MGST1: variants seen among roughly 807,000 people sequenced by gnomAD.
MGST1 encodes the protein microsomal glutathione S-transferase 1.
Under a neutral mutation model 8.9 loss-of-function variants are expected in MGST1, and 5 were observed. The observed-to-expected ratio is 0.56, with a 90% CI of 0.29 to 1.19. The LOEUF is 1.19. MGST1 is among the 50% of genes most tolerant of loss of function. The probability of loss-of-function intolerance (pLI) is 0.08; values close to 1 mark genes in which losing one functional copy is unlikely to be tolerated. For synonymous variants in MGST1, 54 were observed against 67.8 expected (o/e 0.80, Z 1.00); for missense variants, 182 against 187.4 (o/e 0.97, Z 0.17).
chr12:16,552,960 A>C (rs1942047183), intron 4 of MGST1, among the ~76,000 whole-genome samples: 2 of 152,184 alleles, frequency 1.3e-5, no homozygotes, highest in South Asian at 4.1e-4. Context: ...CACTTATGAT[A>C]ATTGAAAATA....
chr12:16,355,674 T>A (rs1405615252), intron 2 of MGST1, among the ~76,000 whole-genome samples: 1 of 152,198 alleles, frequency 6.6e-6, no homozygotes, highest in Non-Finnish European at 1.5e-5. Context: ...AAAGAAAAGA[T>A]GAAGGGAATT....
chr12:16,436,954 A>C (rs1022216883), intron 1 of MGST1, among the ~76,000 whole-genome samples: 4 of 151,974 alleles, frequency 2.6e-5, no homozygotes, highest in Admixed American at 2.0e-4. Flanking sequence ...AACTGGAGAA[A>C]ATTGTGTAAT....
At chr12:16,514,038 G>T in intron 4 of MGST1, 2 of 407,652 alleles carry the variant, frequency 4.9e-6, no homozygotes, top group Admixed American at 3.2e-5. Flanking sequence ...CCACAGGAGT[G>T]GACCCTGGTC....
rs909976388 is a variant in MGST1, at chr12:16,410,097, C to G, written n.778+26493C>G. Among the ~76,000 whole-genome samples the G allele has an allele frequency of 6.6e-6, 1 of 152,126 alleles. No individual in the cohort carries two copies. The highest frequency in any genetic ancestry group is 2.4e-5 in the African/African-American group (1 of 41,426). ...GAGCTTTCTCTTTGCTGTTCATAAT[C>G]TGCAAGGGTCTGAGTAATGAAGTTT... On this transcript the variant is annotated intron_variant and non_coding_transcript_variant, in intron 1 of 1. Transcript: ENST00000359720. This position sits in a 1 kb window ranked among gnomAD's most constrained non-coding sequence, Gnocchi z 4.4.
intron 4 of MGST1, among the ~76,000 whole-genome samples, chr12:16,467,067 A>C (rs918932956): frequency 6.6e-6 from 1 of 152,174 alleles, no homozygotes; most frequent in Non-Finnish European, 1.5e-5. Context: ...TTTAAAAAAA[A>C]ATTTGGGTTG....
chr12:16,568,422 CTCCAA>C (rs1942693659), intron 4 of MGST1, among the ~76,000 whole-genome samples: 1 of 151,438 alleles, frequency 6.6e-6, no homozygotes, highest in Non-Finnish European at 1.5e-5. Context: ...TCTCCCCAAC[CTCCAA>C]TCCACTCATA....
chr12:16,449,463 C>T lies in MGST1; in HGVS notation n.482+65859C>T, dbSNP rs114451835. Among the ~76,000 whole-genome samples, 376 of 152,044 alleles carry T rather than the reference C, an allele frequency of 2.5e-3. 1 individual carries two copies. Among genetic ancestry groups the T allele is most frequent in the African/African-American group, 8.8e-3 (365 of 41,524 alleles). Reference sequence around the variant, plus strand: ...ACTTCAACATTTAAGACAGGACCCCCACTCAAACCATATCAGTTGTTAAGG... The same window carrying T: ...ACTTCAACATTTAAGACAGGACCCCTACTCAAACCATATCAGTTGTTAAGG... On this transcript the variant is annotated intron_variant and non_coding_transcript_variant, in intron 4 of 4. Coordinates refer to the MGST1 transcript ENST00000538857.
At chr12:16,379,757 G>A (rs1484769216), downstream of MGST1, among the ~76,000 whole-genome samples, 1 of 152,178 alleles carries the variant, frequency 6.6e-6, no homozygotes, top group East Asian at 1.9e-4. Flanking sequence ...GTAGAATTCG[G>A]CTGTGGATCC....
chr12:16,465,815 G>C (rs1941250561), intron 4 of MGST1, among the ~76,000 whole-genome samples: 1 of 152,100 alleles, frequency 6.6e-6, no homozygotes, highest in Admixed American at 6.5e-5. Flanking sequence ...TTCCATGAAA[G>C]TGGTCCCTGG....
chr12:16,489,565 C>T (rs1408824808), intron 4 of MGST1, among the ~76,000 whole-genome samples: 2 of 152,040 alleles, frequency 1.3e-5, no homozygotes, highest in Non-Finnish European at 2.9e-5. Flanking sequence ...AATTTTTTCT[C>T]CTTATTTCCA....
At chr12:16,483,778 C>T (rs1941380458) in intron 4 of MGST1, among the ~76,000 whole-genome samples, 1 of 152,136 alleles carries the variant, frequency 6.6e-6, no homozygotes, top group Non-Finnish European at 1.5e-5. Context: ...TTTTAATACA[C>T]TTCTTTCATA....
chr12:16,405,034 T>A (rs1940687731), intron 1 of MGST1, among the ~76,000 whole-genome samples: 1 of 152,106 alleles, frequency 6.6e-6, no homozygotes, highest in Non-Finnish European at 1.5e-5. Flanking sequence ...TAAGGCAGTG[T>A]TAAGAGGGAA....
chr12:16,488,594 A>G (rs1187821445), intron 4 of MGST1, among the ~76,000 whole-genome samples: 1 of 152,166 alleles, frequency 6.6e-6, no homozygotes, highest in Non-Finnish European at 1.5e-5. Context: ...TTTTTCATAT[A>G]GTCCCCTAGA....
chr12:16,487,227 C>T (rs908787203), intron 4 of MGST1, among the ~76,000 whole-genome samples: 8 of 152,036 alleles, frequency 5.3e-5, no homozygotes, highest in Non-Finnish European at 1.2e-4. Context: ...GTGAGTAAAC[C>T]CCAGAGATTT....
At chr12:16,388,297 G>A (rs780514082) in intron 1 of MGST1, among the ~76,000 whole-genome samples, 5 of 151,328 alleles carry the variant, frequency 3.3e-5, no homozygotes, top group Non-Finnish European at 5.9e-5. Context: ...TGGTATACTT[G>A]TATAGGGCAT....
intron 1 of MGST1, among the ~76,000 whole-genome samples, chr12:16,412,187 C>T (rs1426117238): frequency 6.6e-6 from 1 of 152,122 alleles, no homozygotes; most frequent in Non-Finnish European, 1.5e-5. Context: ...AGTCAGAAGA[C>T]TTAGATTTGA....
chr12:16,499,016 T>C (rs745968813), intron 4 of MGST1, among the ~76,000 whole-genome samples: 1 of 152,204 alleles, frequency 6.6e-6, no homozygotes, highest in Non-Finnish European at 1.5e-5. Context: ...CTAAATATCC[T>C]CTTAAAATTT....
rs193108655 is a variant in MGST1 at position 16,386,209 on chromosome 12, T to G, written n.778+2605T>G. Among the ~76,000 whole-genome samples, 52 of 152,288 alleles carry G rather than the reference T, an allele frequency of 3.4e-4. 1 individual carries two copies. Among genetic ancestry groups the G allele is most frequent in the Admixed American group, 2.9e-3 (44 of 15,290 alleles). ...AATTCTTGAGCTCTTTTGGAGAAGA[T>G]CGGTGATTTCCCATTGCCACTAGAT... On this transcript the variant is annotated intron_variant and non_coding_transcript_variant, in intron 1 of 1. Coordinates refer to the MGST1 transcript ENST00000359720.
Position 16,364,122 on chromosome 12 carries a change from TTAGG to T in MGST1, c.*86_*89del. The T allele has an allele frequency of 1.3e-6, 2 of 1,488,810 alleles. No individual in the cohort carries two copies. The highest frequency in any genetic ancestry group is 8.9e-7 in the Non-Finnish European group (1 of 1,117,906). The allele number at this position is 1,488,810 out of a possible 1,614,324, so 92.2% of individuals were successfully genotyped here. A position where few individuals can be genotyped will look rare whatever the true frequency, so the allele number is the denominator to read the frequency against. On this transcript the variant is annotated 3_prime_UTR_variant, in exon 4 of 4. Coordinates refer to ENST00000396210, the MANE Select transcript of MGST1 (RefSeq NM_020300.5). The surrounding 1 kb of genome is among the most constrained non-coding windows in gnomAD (Gnocchi z 5.7). ...TTTATAATGAATACTTTCTTAGATT[TTAGG>T]TAGGAGGGGAGCAGAGGAATTATGA...
Sources: gnomAD v4.1 joint callset for allele counts (sites outside exome capture counted in the v4.1 genomes callset) on GRCh38, gnomAD v4.1.1 for gene constraint, Gnocchi (gnomAD v3.1) non-coding constraint, MANE v1.5 for transcripts, NCBI Gene and HGNC (gene_info 2026-07-23, HGNC 2026-07-21) for gene names.